PDPR: variants seen among roughly 807,000 people sequenced by gnomAD.
The protein encoded by PDPR is pyruvate dehydrogenase phosphatase regulatory subunit.
Under a neutral mutation model 102.2 loss-of-function variants are expected in PDPR, and 50 were observed. The ratio of observed to expected loss-of-function variants is 0.49; its 90% CI spans 0.39 to 0.62. PDPR has a LOEUF of 0.62. Among genes scored for constraint, PDPR ranks in the 20% least tolerant of loss-of-function variants. The pLI, the probability that PDPR is intolerant of heterozygous loss-of-function variation, is 0.00. For synonymous variants in PDPR, 259 were observed against 406.0 expected (o/e 0.64, Z 4.35); for missense variants, 625 against 1,098.2 (o/e 0.57, Z 6.09).
chr16:70,148,564 ACCCTTCCCTTCCCTT>A lies in PDPR; in HGVS notation c.2052+18_2052+32del, dbSNP rs763382617. The A allele has an allele frequency of 6.2e-7, 1 of 1,600,478 alleles. No individual in the cohort carries two copies. Among genetic ancestry groups the A allele is most frequent in the Non-Finnish European group, 8.5e-7 (1 of 1,169,684 alleles). ...TACATCCCCATAGAGGTGAGAGGGC[ACCCTTCCCTTCCCTT>A]CCCTTCACTTCCCTTCCCTTCCCTT... On this transcript the variant is annotated intron_variant, in intron 17 of 18. Transcript: ENST00000288050.
intron 10 of PDPR, among the ~76,000 whole-genome samples, chr16:70,138,359 C>T (rs531041935): frequency 2.5e-4 from 38 of 152,236 alleles, no homozygotes; most frequent in African/African-American, 8.2e-4. Flanking sequence ...GCTGGGATTA[C>T]AGGCGTGTGC....
chr16:70,125,328 A>T (rs1276118640), intron 3 of PDPR, among the ~76,000 whole-genome samples: 2 of 152,226 alleles, frequency 1.3e-5, no homozygotes, highest in Non-Finnish European at 2.9e-5. Flanking sequence ...GTGAGCCGAG[A>T]TTGTGCCATT....
chr16:70,115,895 T>C (rs145097269), intron 2 of PDPR, among the ~76,000 whole-genome samples: 12 of 152,302 alleles, frequency 7.9e-5, no homozygotes, highest in East Asian at 3.9e-4. Context: ...ACCTCCTTTG[T>C]TATCAGTTTG....
intron 8 of PDPR, 147 bp downstream of exon 8, chr16:70,131,566 C>T: frequency 1.8e-6 from 2 of 1,131,496 alleles, no homozygotes; most frequent in Non-Finnish European, 2.4e-6. Flanking sequence ...CCAATTCTGA[C>T]TTTTCTTTAT....
At chr16:70,124,082 G>A (rs1443033584) in intron 3 of PDPR, among the ~76,000 whole-genome samples, 3 of 151,538 alleles carry the variant, frequency 2.0e-5, no homozygotes, top group Non-Finnish European at 2.9e-5. Flanking sequence ...TTATGCCTCG[G>A]CCAAGTGCAG....
At chr16:70,121,493 A>T (rs1304281521) in intron 3 of PDPR, among the ~76,000 whole-genome samples, 5 of 151,622 alleles carry the variant, frequency 3.3e-5, no homozygotes, top group Non-Finnish European at 4.4e-5. Flanking sequence ...GGAGTTCTAG[A>T]CCAGCCTGGC....
chr16:70,144,052 C>T (rs1011224514), intron 14 of PDPR, among the ~76,000 whole-genome samples: 2 of 152,210 alleles, frequency 1.3e-5, no homozygotes, highest in African/African-American at 4.8e-5. Context: ...CCACCACACC[C>T]AGCCAGTTTT....
At chr16:70,129,387 C>T (rs1216692403) in intron 6 of PDPR, among the ~76,000 whole-genome samples, 1 of 152,272 alleles carries the variant, frequency 6.6e-6, no homozygotes, top group Non-Finnish European at 1.5e-5. Flanking sequence ...TCTTTTCGCC[C>T]AGGCTGGAGT....
Position 70,157,580 on chromosome 16 carries a change from T to TTG in PDPR, c.*702_*703dup, listed in dbSNP as rs1225971174. 1.0e-5 allele frequency: 2 copies of TTG among 194,828 alleles called. No individual in the cohort carries two copies. Among genetic ancestry groups the TTG allele is most frequent in the Non-Finnish European group, 2.1e-5 (2 of 94,666 alleles). The allele number at this position is 194,828 out of a possible 1,614,324, so 12.1% of individuals were successfully genotyped here. On this transcript the variant is annotated 3_prime_UTR_variant, in exon 19 of 19. Coordinates refer to ENST00000288050, the MANE Select transcript of PDPR (RefSeq NM_017990.5). ...GCCTCCCTATAATTTTCTTCATCTC[T>TTG]TGCTAATCTCTATAATAAGGTTGCT...
chr16:70,124,211 A>T (rs993928834), intron 3 of PDPR, among the ~76,000 whole-genome samples: 1 of 152,250 alleles, frequency 6.6e-6, no homozygotes, highest in Admixed American at 6.5e-5. Context: ...AAAAATGCAA[A>T]AATTAGCTGG....
At chr16:70,136,598 G>A (rs967770498) in intron 10 of PDPR, among the ~76,000 whole-genome samples, 4 of 152,074 alleles carry the variant, frequency 2.6e-5, no homozygotes, top group African/African-American at 7.2e-5. Flanking sequence ...AAATGTTTTT[G>A]CAACTCATCT....
intron 2 of PDPR, among the ~76,000 whole-genome samples, chr16:70,118,566 A>G (rs1257288169): frequency 6.6e-6 from 1 of 152,180 alleles, no homozygotes; most frequent in Non-Finnish European, 1.5e-5. Context: ...TCCCCAGGAG[A>G]GCTGTGTTGC....
chr16:70,120,623 A>G lies in PDPR; in HGVS notation c.131A>G (p.Gln44Arg). The change falls in exon 3 of 19, where the codon CAG becomes CGG. Residue 44 changes from glutamine (Q) to arginine (R), a missense_variant. By Grantham distance (43) the Gln-to-Arg change is conservative (BLOSUM62 1). Coordinates refer to ENST00000288050, the MANE Select transcript of PDPR (RefSeq NM_017990.5). ...TCCATGGCCCTGCCCACCCAGGCAC[A>G]GGTGGTCATCTGTGGAGGTGGAATC... ...ARSMALPTQA[Q>R]VVICGGGITG... 6.2e-7 allele frequency: 1 copy of G among 1,613,878 alleles called. No individual in the cohort carries two copies. Among genetic ancestry groups the G allele is most frequent in the Non-Finnish European group, 8.5e-7 (1 of 1,179,766 alleles).
In PDPR at chr16:70,158,332, C is replaced by T. The variant is rs1468281908; in HGVS notation, c.*1453C>T. The T allele has an allele frequency of 4.6e-5, 7 of 152,592 alleles. No homozygotes were observed. The highest frequency in any genetic ancestry group is 1.0e-4 in the Non-Finnish European group (7 of 68,162). The allele number at this position is 152,592 out of a possible 1,614,324, so 9.5% of individuals were successfully genotyped here. A position where few individuals can be genotyped will look rare whatever the true frequency, so the allele number is the denominator to read the frequency against. On this transcript the variant is annotated 3_prime_UTR_variant, in exon 19 of 19. Coordinates refer to ENST00000288050, the MANE Select transcript of PDPR (RefSeq NM_017990.5). Reference sequence around the variant, plus strand: ...CTATAAGACATTTTGGTTAGTAAAACTCTAGCCTTTGGCGTGTTGGTATCT... The same window carrying T: ...CTATAAGACATTTTGGTTAGTAAAATTCTAGCCTTTGGCGTGTTGGTATCT...
At chr16:70,151,806 C>G (rs1379904185) in intron 17 of PDPR, among the ~76,000 whole-genome samples, 1 of 152,252 alleles carries the variant, frequency 6.6e-6, no homozygotes, top group South Asian at 2.1e-4. Context: ...ATGTTTGTCT[C>G]TCTGAGAAGA....
At chr16:70,156,451 C>T (rs1304767786) in intron 18 of PDPR, 24 bp from the exon 19 acceptor site, 2 of 1,610,254 alleles carry the variant, frequency 1.2e-6, no homozygotes, top group African/African-American at 1.3e-5. Flanking sequence ...CGCTGGATGA[C>T]TCGGCGTTTC....
At position 70,153,496 on chromosome 16, in the gene PDPR, G is replaced by T. The variant is rs747126737; in HGVS notation, c.2158G>T (p.Ala720Ser). The T allele has an allele frequency of 6.2e-7, 1 of 1,613,110 alleles. No homozygotes were observed. Residue 720 changes from alanine to serine, a missense_variant, in exon 18 of 19, where the codon GCC becomes TCC. Ala to Ser is a moderately conservative substitution (Grantham distance 99). Coordinates refer to ENST00000288050, the MANE Select transcript of PDPR (RefSeq NM_017990.5). Reference sequence around the variant, plus strand: ...CAGTCTCCGAATTGAGAAGTTTTTTGCCTTCTGGGGTCAGGATATAAATAA... The same window carrying T: ...CAGTCTCCGAATTGAGAAGTTTTTTTCCTTCTGGGGTCAGGATATAAATAA... ...LRSLRIEKFF[A>S]FWGQDINNLT...
intron 16 of PDPR, chr16:70,147,463 C>G (rs1283810422): frequency 1.1e-5 from 4 of 374,972 alleles, no homozygotes; most frequent in Admixed American, 1.0e-4. Context: ...AGAGTAACTT[C>G]TGTGTCTGTG....
rs749377677 is a variant in PDPR, at chr16:70,153,460, T to TA, written c.2123dup (p.Tyr708Ter). The change falls in exon 18 of 19, where the codon TAC (tyrosine) becomes TAAC (stop). Residue 708 changes from tyrosine (Y) to a stop codon, truncating the protein, a stop_gained and frameshift_variant. Coordinates refer to ENST00000288050, the MANE Select transcript of PDPR (RefSeq NM_017990.5). LOFTEE classifies it high-confidence loss of function. ...ATACGGAATCCGGAATGCTGGGTATTACGCTCTTCGCAGTCTCCGAATTGA... is the reference window on the plus strand; with the variant it reads ...ATACGGAATCCGGAATGCTGGGTATTAACGCTCTTCGCAGTCTCCGAATTGA... The part of the protein sequence containing the change: ...QKYGIRNAGY[Y>*]ALRSLRIEKF... The TA allele has an allele frequency of 1.9e-6, 3 of 1,613,906 alleles. No homozygotes were observed. The highest frequency in any genetic ancestry group is 1.7e-5 in the Admixed American group (1 of 59,994).
Sources: gnomAD v4.1 joint callset for allele counts (sites outside exome capture counted in the v4.1 genomes callset) on GRCh38, gnomAD v4.1.1 for gene constraint, MANE v1.5 for transcripts, NCBI Gene and HGNC (gene_info 2026-07-23, HGNC 2026-07-21) for gene names.